HMGCLL1: variants seen among roughly 807,000 people sequenced by gnomAD.
HMGCLL1 encodes the protein 3-hydroxymethyl-3-methylglutaryl-CoA lyase, cytoplasmic.
Under a neutral mutation model 39.1 loss-of-function variants are expected in HMGCLL1, and 36 were observed. The ratio of observed to expected loss-of-function variants is 0.92; its 90% CI spans 0.71 to 1.22. The LOEUF (loss-of-function observed/expected upper bound fraction) is 1.22, where lower values mean the gene tolerates loss of function less well. Ranked by LOEUF, HMGCLL1 falls within the 50% of genes most tolerant of loss-of-function variation. HMGCLL1 has a pLI of 0.00. For missense variants in HMGCLL1, 451 were observed against 416.5 expected, an observed-to-expected ratio of 1.08 and a Z score of -0.72; for synonymous variants, 149 against 144.0, an observed-to-expected ratio of 1.03 and a Z score of -0.25.
intron 1 of HMGCLL1, among the ~76,000 whole-genome samples, chr6:55,566,110 A>C (rs1263729039): frequency 6.6e-6 from 1 of 152,164 alleles, no homozygotes; most frequent in Non-Finnish European, 1.5e-5. Context: ...ACAGTGAAAT[A>C]AATATGAAAT....
At chr6:55,518,652 C>T (rs4715553) in intron 3 of HMGCLL1, among the ~76,000 whole-genome samples, 12,451 of 152,050 alleles carry the variant, frequency 0.082, 576 homozygotes, top group East Asian at 0.16. Flanking sequence ...TGTAAGAAAG[C>T]CCAAATTAGC....
intron 7 of HMGCLL1, among the ~76,000 whole-genome samples, chr6:55,477,333 A>G (rs1581830840): frequency 5.8e-5 from 2 of 34,524 alleles, no homozygotes; most frequent in African/African-American, 1.3e-4. Context: ...TATATTATAT[A>G]ATATATATTA....
At chr6:55,611,593 T>C in the HMGCLL1 span, among the ~76,000 whole-genome samples, 2 of 151,728 alleles carry the variant, frequency 1.3e-5, no homozygotes, top group African/African-American at 4.8e-5. Flanking sequence ...AATCCAAGAG[T>C]ACCTCAAAAA....
chr6:55,498,869 G>A (rs944999039), intron 6 of HMGCLL1, among the ~76,000 whole-genome samples: 2 of 152,082 alleles, frequency 1.3e-5, no homozygotes, highest in African/African-American at 4.8e-5. Flanking sequence ...CAGGGATGCT[G>A]CCTAAGCAAC....
the HMGCLL1 span, among the ~76,000 whole-genome samples, chr6:55,636,189 G>A: frequency 1.3e-5 from 2 of 151,964 alleles, no homozygotes; most frequent in South Asian, 4.1e-4. Context: ...CCTCAAAAGG[G>A]AATATAATTA....
At chr6:55,543,498 A>C (rs1361668442) in intron 1 of HMGCLL1, among the ~76,000 whole-genome samples, 5 of 14,336 alleles carry the variant, frequency 3.5e-4, no homozygotes, top group African/African-American at 9.3e-4. Flanking sequence ...GATATATATC[A>C]TATATATCAT....
At position 55,540,734 on chromosome 6, in the gene HMGCLL1, G is replaced by A. The variant is rs1033732396; in HGVS notation, c.297+995C>T. 2.6e-5 allele frequency among the ~76,000 whole-genome samples: 4 copies of A among 152,124 alleles called. No homozygotes were observed. In the South Asian group the frequency reaches 8.3e-4, roughly 32 times the overall value. ...GATTTGCACTCCTGGCATAAAGCAG[G>A]GTGGACAATGAGTTTGATTTTAACC... On this transcript the variant is annotated intron_variant, in intron 3 of 8. Transcript: ENST00000274901.
chr6:55,542,827 A>AC (rs1769536525), intron 1 of HMGCLL1, among the ~76,000 whole-genome samples: 1 of 139,614 alleles, frequency 7.2e-6, no homozygotes, highest in Non-Finnish European at 1.5e-5. Flanking sequence ...ATATATATGT[A>AC]ATATATATGT....
chr6:55,587,586 C>T, the HMGCLL1 span, among the ~76,000 whole-genome samples: 1 of 152,004 alleles, frequency 6.6e-6, no homozygotes, highest in Non-Finnish European at 1.5e-5. Flanking sequence ...ACTAAATGCT[C>T]CAATTAAAAG....
chr6:55,504,385 AT>A (rs1336396118), intron 5 of HMGCLL1, among the ~76,000 whole-genome samples: 3 of 151,696 alleles, frequency 2.0e-5, no homozygotes, highest in African/African-American at 7.2e-5. Context: ...ATGTATCTTT[AT>A]CTCTCTTAAT....
At chr6:55,539,835 G>A (rs1208767842) in intron 3 of HMGCLL1, among the ~76,000 whole-genome samples, 1 of 132,532 alleles carries the variant, frequency 7.5e-6, no homozygotes, top group Non-Finnish European at 1.6e-5. Flanking sequence ...ACCTGCACTT[G>A]TACCCCTAAA....
the HMGCLL1 span, among the ~76,000 whole-genome samples, chr6:55,650,124 T>TACACACATATAC: frequency 7.2e-5 from 5 of 69,054 alleles, no homozygotes; most frequent in East Asian, 5.8e-4. Context: ...TATATATATA[T>TACACACATATAC]ATATATATAT....
chr6:55,491,191 T>G (rs183680058), intron 7 of HMGCLL1, among the ~76,000 whole-genome samples: 2 of 152,284 alleles, frequency 1.3e-5, no homozygotes, highest in African/African-American at 4.8e-5. Flanking sequence ...TTTAAAAAAT[T>G]TCTTCTTGAG....
chr6:55,588,013 A>G, the HMGCLL1 span, among the ~76,000 whole-genome samples: 1 of 152,170 alleles, frequency 6.6e-6, no homozygotes, highest in Non-Finnish European at 1.5e-5. Context: ...AAAGTTAACA[A>G]GGATATCCAG....
chr6:55,666,195 A>G, the HMGCLL1 span, among the ~76,000 whole-genome samples: 1 of 151,776 alleles, frequency 6.6e-6, no homozygotes, highest in Non-Finnish European at 1.5e-5. Context: ...TAAAAAAGTA[A>G]TGGAACCAGC....
intron 7 of HMGCLL1, among the ~76,000 whole-genome samples, chr6:55,456,644 A>C (rs1764334459): frequency 6.6e-6 from 1 of 152,126 alleles, no homozygotes; most frequent in South Asian, 2.1e-4. Flanking sequence ...ATTTCCCACT[A>C]ACAGCTTTGG....
chr6:55,507,300 C>G (rs1041934382), intron 5 of HMGCLL1, among the ~76,000 whole-genome samples: 1 of 151,660 alleles, frequency 6.6e-6, no homozygotes, highest in African/African-American at 2.4e-5. Context: ...ATACTATCGA[C>G]AGTTTCAGGC....
At chr6:55,573,300 T>A (rs904577666) in intron 1 of HMGCLL1, among the ~76,000 whole-genome samples, 2 of 152,154 alleles carry the variant, frequency 1.3e-5, no homozygotes, top group African/African-American at 4.8e-5. Flanking sequence ...TCAAATTACA[T>A]CTATAATTAT....
chr6:55,536,466 A>T (rs1280156482), intron 3 of HMGCLL1, among the ~76,000 whole-genome samples: 2 of 152,218 alleles, frequency 1.3e-5, no homozygotes, highest in African/African-American at 2.4e-5. Context: ...GTAAAACTCT[A>T]GTTCACTTTT....
Sources: gnomAD v4.1 joint callset for allele counts (sites outside exome capture counted in the v4.1 genomes callset) on GRCh38, gnomAD v4.1.1 for gene constraint, MANE v1.5 for transcripts, NCBI Gene and HGNC (gene_info 2026-07-23, HGNC 2026-07-21) for gene names.